PARD3B: variants seen among roughly 807,000 people sequenced by gnomAD.
PARD3B encodes the protein par-3 family cell polarity regulator beta.
PARD3B carries 103 observed loss-of-function variants against 130.2 expected under a neutral mutation model. The ratio of observed to expected loss-of-function variants is 0.79; its 90% CI spans 0.67 to 0.93. The LOEUF is 0.93. PARD3B is among the 40% of genes least tolerant of loss of function. The pLI, the probability that PARD3B is intolerant of heterozygous loss-of-function variation, is 0.00. For missense variants in PARD3B, 1,609 were observed against 1,499.2 expected (o/e 1.07, Z -1.21); for synonymous variants, 583 against 553.2 (o/e 1.05, Z -0.76).
intron 1 of PARD3B, among the ~76,000 whole-genome samples, chr2:204,559,346 GA>G (rs200373532): frequency 0.017 from 2,515 of 152,054 alleles, 74 homozygotes; most frequent in African/African-American, 0.058. Flanking sequence ...AAATTTACAA[GA>G]AAAAAACAAC....
intron 18 of PARD3B, among the ~76,000 whole-genome samples, chr2:205,315,440 G>A (rs2042532763): frequency 6.6e-6 from 1 of 152,152 alleles, no homozygotes; most frequent in South Asian, 2.1e-4. Context: ...CAGTTACCTA[G>A]TGGTTCTCAA....
intron 10 of PARD3B, among the ~76,000 whole-genome samples, chr2:205,131,161 T>G (rs1357807903): frequency 1.3e-5 from 2 of 152,202 alleles, no homozygotes; most frequent in African/African-American, 4.8e-5. Context: ...CTTAATTAAC[T>G]GAGATACTTA....
intron 15 of PARD3B, among the ~76,000 whole-genome samples, chr2:205,217,868 GTA>G (rs1233399793): frequency 4.2e-5 from 2 of 47,130 alleles, no homozygotes; most frequent in Middle Eastern, 0.011. Flanking sequence ...GTGTGTGTGT[GTA>G]TATATATATA....
chr2:204,974,039 GT>G (rs1211767522), intron 3 of PARD3B, among the ~76,000 whole-genome samples: 2 of 152,158 alleles, frequency 1.3e-5, no homozygotes, highest in Admixed American at 1.3e-4. Context: ...TGCTCATTCT[GT>G]TTATTCATTG....
At chr2:205,203,392 T>C (rs1330968252) in intron 15 of PARD3B, among the ~76,000 whole-genome samples, 1 of 150,290 alleles carries the variant, frequency 6.7e-6, no homozygotes, top group Non-Finnish European at 1.5e-5. Flanking sequence ...TTTTTTTCAC[T>C]TTTTATTTTT....
intron 15 of PARD3B, among the ~76,000 whole-genome samples, chr2:205,221,719 G>A (rs2038247106): frequency 9.4e-6 from 1 of 106,646 alleles, no homozygotes; most frequent in African/African-American, 3.3e-5. Context: ...ATATCACCTA[G>A]CACTGTCTCT....
intron 15 of PARD3B, among the ~76,000 whole-genome samples, chr2:205,232,043 C>T (rs1438680202): frequency 6.6e-6 from 1 of 152,210 alleles, no homozygotes; most frequent in East Asian, 1.9e-4. Context: ...CTCTGTTGTA[C>T]AGCACAATCA....
intron 2 of PARD3B, among the ~76,000 whole-genome samples, chr2:204,703,830 A>T (rs2038008532): frequency 6.6e-6 from 1 of 152,132 alleles, no homozygotes; most frequent in Admixed American, 6.6e-5. Flanking sequence ...GAAAATTCAT[A>T]TTTTATGGTA....
At chr2:205,200,909 T>G (rs946980981) in intron 15 of PARD3B, among the ~76,000 whole-genome samples, 1 of 151,482 alleles carries the variant, frequency 6.6e-6, no homozygotes, top group African/African-American at 2.4e-5. Context: ...GGATAGTAAC[T>G]ATTGAAGTAA....
At chr2:205,290,154 A>G (rs1010768055) in intron 16 of PARD3B, among the ~76,000 whole-genome samples, 2 of 152,248 alleles carry the variant, frequency 1.3e-5, no homozygotes, top group Non-Finnish European at 2.9e-5. Flanking sequence ...ATGAATCCAG[A>G]TAAATCCAGG....
intron 1 of PARD3B, among the ~76,000 whole-genome samples, chr2:204,574,283 G>T (rs1167819988): frequency 6.6e-6 from 1 of 152,116 alleles, no homozygotes; most frequent in African/African-American, 2.4e-5. Context: ...CCTTCTAAAA[G>T]AAATTATGAC....
Position 205,591,311 on chromosome 2 carries a change from G to A in PARD3B, c.3261-24145G>A, listed in dbSNP as rs1459154185. 2.0e-5 allele frequency among the ~76,000 whole-genome samples: 3 copies of A among 152,182 alleles called. No individual in the cohort carries two copies. The highest frequency in any genetic ancestry group is 4.4e-5 in the Non-Finnish European group (3 of 68,026). ...TAACTTGCTTCATTTCCATCTGGAGGAAGCAGATTTTTGGAGGAGAAATAA... is the reference window on the plus strand; with the variant it reads ...TAACTTGCTTCATTTCCATCTGGAGAAAGCAGATTTTTGGAGGAGAAATAA... On this transcript the variant is annotated intron_variant, in intron 22 of 22. Coordinates refer to ENST00000406610, the MANE Select transcript of PARD3B (RefSeq NM_001302769.2). The surrounding 1 kb of genome is among the most constrained non-coding windows in gnomAD (Gnocchi z 4.2).
chr2:205,032,626 T>C (rs920772249), intron 3 of PARD3B, among the ~76,000 whole-genome samples: 2 of 152,160 alleles, frequency 1.3e-5, no homozygotes, highest in African/African-American at 4.8e-5. Context: ...CTTTATTTGA[T>C]TAACACTGGT....
chr2:204,846,714 A>C (rs1404413592), intron 2 of PARD3B, among the ~76,000 whole-genome samples: 1 of 150,818 alleles, frequency 6.6e-6, no homozygotes, highest in South Asian at 2.1e-4. Context: ...TATACCTGAA[A>C]GTATTTCTTA....
intron 1 of PARD3B, among the ~76,000 whole-genome samples, chr2:204,628,900 G>A (rs2034580543): frequency 6.6e-6 from 1 of 152,136 alleles, no homozygotes; most frequent in Non-Finnish European, 1.5e-5. Context: ...TAGTTTAATA[G>A]GATGAAGAAA....
chr2:205,168,667 T>A (rs2034972072), intron 11 of PARD3B, among the ~76,000 whole-genome samples: 1 of 151,834 alleles, frequency 6.6e-6, no homozygotes, highest in Non-Finnish European at 1.5e-5. Context: ...GCCTTTTTTT[T>A]TTTTTTTTCC....
intron 20 of PARD3B, among the ~76,000 whole-genome samples, chr2:205,443,202 C>T (rs1467596866): frequency 2.0e-5 from 3 of 152,234 alleles, no homozygotes; most frequent in Non-Finnish European, 4.4e-5. Context: ...TATGCCTGTG[C>T]CCAGATAAGT....
intron 18 of PARD3B, among the ~76,000 whole-genome samples, chr2:205,400,100 A>G (rs1384168300): frequency 6.6e-6 from 1 of 152,164 alleles, no homozygotes; most frequent in Non-Finnish European, 1.5e-5. Context: ...TTAAGTGCCA[A>G]TGACACTGGA....
Position 205,286,390 on chromosome 2 carries a change from C to A in PARD3B, c.2186-14140C>A, listed in dbSNP as rs116624176. Among the ~76,000 whole-genome samples, 492 of 152,060 alleles carry A rather than the reference C, an allele frequency of 3.2e-3. 2 individuals carry two copies. Among genetic ancestry groups the A allele is most frequent in the African/African-American group, 0.011 (475 of 41,496 alleles). ...CATTATCATCATCAATATGATTTTTCCATTATCCCACTTTTACTGATGTAG... is the reference window on the plus strand; with the variant it reads ...CATTATCATCATCAATATGATTTTTACATTATCCCACTTTTACTGATGTAG... On this transcript the variant is annotated intron_variant, in intron 16 of 22. Coordinates refer to ENST00000406610, the MANE Select transcript of PARD3B (RefSeq NM_001302769.2).
Sources: gnomAD v4.1 joint callset for allele counts (sites outside exome capture counted in the v4.1 genomes callset) on GRCh38, gnomAD v4.1.1 for gene constraint, Gnocchi (gnomAD v3.1) non-coding constraint, MANE v1.5 for transcripts, NCBI Gene and HGNC (gene_info 2026-07-23, HGNC 2026-07-21) for gene names.